COX16: variants seen among roughly 807,000 people sequenced by gnomAD.
COX16 encodes cytochrome c oxidase assembly factor COX16, also known as cytochrome c oxidase assembly protein COX16 homolog, mitochondrial.
Under a neutral mutation model 15.4 loss-of-function variants are expected in COX16, and 12 were observed. The observed-to-expected ratio is 0.78, with a 90% CI of 0.50 to 1.26. COX16 has a LOEUF of 1.26. Ranked by LOEUF, COX16 falls within the 50% of genes most tolerant of loss-of-function variation. The pLI is 0.00. For synonymous variants in COX16, 46 were observed against 41.1 expected (o/e 1.12, Z -0.46); for missense variants, 124 against 127.6 (o/e 0.97, Z 0.14).
chr14:70,338,666 A>G (rs183349244), intron 2 of COX16, among the ~76,000 whole-genome samples: 7 of 152,334 alleles, frequency 4.6e-5, no homozygotes, highest in Admixed American at 3.9e-4. Flanking sequence ...AGAGCAATCA[A>G]GAGAACAATA....
In COX16 at chr14:70,359,617, C is replaced by G; in HGVS notation, c.-30G>C. ...GAACTCTTCCATCGGCTCAGAACTC[C>G]AAGCGGGCCTAGCGCAGACTCCCAA... On this transcript the variant is annotated 5_prime_UTR_variant, in exon 1 of 4. Transcript: ENST00000389912. 6.2e-7 allele frequency: 1 copy of G among 1,609,684 alleles called. No individual in the cohort carries two copies. Among genetic ancestry groups the G allele is most frequent in the Non-Finnish European group, 8.5e-7 (1 of 1,176,126 alleles).
At chr14:70,326,662 G>A (rs962350171) in intron 3 of COX16, among the ~76,000 whole-genome samples, 2 of 152,134 alleles carry the variant, frequency 1.3e-5, no homozygotes, top group African/African-American at 4.8e-5. Context: ...CCTATCTTAC[G>A]CCACCTTAAC....
chr14:70,359,249 G>A, intron 1 of COX16: 1 of 567,990 alleles, frequency 1.8e-6, no homozygotes, highest in East Asian at 4.0e-5. Context: ...CAATGACCGC[G>A]TTCGACGATG....
At chr14:70,336,758 A>T (rs1049577771) in intron 2 of COX16, among the ~76,000 whole-genome samples, 3 of 152,234 alleles carry the variant, frequency 2.0e-5, no homozygotes, top group African/African-American at 7.2e-5. Context: ...TTACCAGCAT[A>T]CATTAAAATC....
chr14:70,343,383 A>C (rs762436478), intron 1 of COX16, among the ~76,000 whole-genome samples: 3 of 152,222 alleles, frequency 2.0e-5, no homozygotes, highest in African/African-American at 7.2e-5. Flanking sequence ...AATAAACTCT[A>C]TAACATTATT....
chr14:70,358,248 A>AGC, intron 1 of COX16, among the ~76,000 whole-genome samples: 2 of 152,096 alleles, frequency 1.3e-5, no homozygotes, highest in Admixed American at 6.6e-5. Context: ...GACTACTATT[A>AGC]GTTATGATGC....
At chr14:70,347,837 C>A (rs1304418377) in intron 1 of COX16, among the ~76,000 whole-genome samples, 1 of 152,156 alleles carries the variant, frequency 6.6e-6, no homozygotes, top group Non-Finnish European at 1.5e-5. Flanking sequence ...AATTCTCTTT[C>A]CTAGGACTAG....
At chr14:70,328,554 T>C (rs184661883) in intron 3 of COX16, among the ~76,000 whole-genome samples, 1 of 152,290 alleles carries the variant, frequency 6.6e-6, no homozygotes, top group Non-Finnish European at 1.5e-5. Context: ...TGAAAAGTGA[T>C]ACCTCGTTAG....
At position 70,326,232 on chromosome 14, in the gene COX16, G is replaced by A. The variant is rs1886066697; in HGVS notation, c.*101C>T. The A allele has an allele frequency of 7.3e-6, 7 of 963,222 alleles. No homozygotes were observed. The highest frequency in any genetic ancestry group is 9.6e-6 in the Non-Finnish European group (7 of 726,040). 59.7% of individuals were successfully genotyped at this position (963,222 alleles called of 1,614,324 possible). A position where few individuals can be genotyped will look rare whatever the true frequency, so the allele number is the denominator to read the frequency against. ...ATTACCCATATCCAAGTTTCCATGG[G>A]CCTGGAATTTCCTTTCCACTTGATA... On this transcript the variant is annotated 3_prime_UTR_variant, in exon 4 of 4. Coordinates refer to ENST00000389912, the MANE Select transcript of COX16 (RefSeq NM_016468.7).
intron 1 of COX16, among the ~76,000 whole-genome samples, chr14:70,358,680 A>G (rs2877658): frequency 0.7 from 107,128 of 152,078 alleles, 37,988 homozygotes; most frequent in East Asian, 0.93. Context: ...AAATAAAAAT[A>G]TAGTCTGTAT....
chr14:70,341,670 TCA>T (rs1293198542), intron 2 of COX16, among the ~76,000 whole-genome samples: 1 of 152,174 alleles, frequency 6.6e-6, no homozygotes, highest in African/African-American at 2.4e-5. Flanking sequence ...ATAGACCCCC[TCA>T]GTTTCCTCAC....
chr14:70,329,206 C>T lies in COX16; in HGVS notation c.172G>A (p.Glu58Lys). 6.3e-7 allele frequency: 1 copy of T among 1,595,758 alleles called. No homozygotes were observed. The highest frequency in any genetic ancestry group is 8.6e-7 in the Non-Finnish European group (1 of 1,168,730). The change falls in exon 3 of 4, where the codon GAG (glutamate) becomes AAG (lysine). Residue 58 changes from glutamate (E) to lysine (K), a missense_variant. Transcript: ENST00000389912. ...MDPELEKKLK[E>K]NKISLESEYE... ...TCCGACTCTAAAGATATTTTATTCT[C>T]TTTCAGTTTTTTTTCAAGCTCAGGA... is the stretch of plus-strand genomic sequence containing the variant.
At chr14:70,329,140 G>A (rs1886193613) in intron 3 of COX16, 34 bp downstream of exon 3, 2 of 1,516,626 alleles carry the variant, frequency 1.3e-6, no homozygotes, top group Non-Finnish European at 8.9e-7. Flanking sequence ...GTAACTGATT[G>A]TTATAAGACA....
chr14:70,328,428 C>A (rs1241829470), intron 3 of COX16, among the ~76,000 whole-genome samples: 1 of 152,066 alleles, frequency 6.6e-6, no homozygotes, highest in East Asian at 1.9e-4. Context: ...TACAAAGAAA[C>A]AGGAAAATAT....
At chr14:70,345,153 CCT>C (rs1339950502) in intron 1 of COX16, among the ~76,000 whole-genome samples, 1 of 152,226 alleles carries the variant, frequency 6.6e-6, no homozygotes, top group African/African-American at 2.4e-5. Context: ...TCTCCAGTTG[CCT>C]CTCTGTGCAT....
In COX16 at chr14:70,352,311, C is replaced by T. The variant is rs369314793; in HGVS notation, c.69+7208G>A. Reference sequence around the variant, plus strand: ...AAGCAATTCTCCTGCCTCAGCCTCCCGAGTAGCTGGGATTACAAGCATCCA... The same window carrying T: ...AAGCAATTCTCCTGCCTCAGCCTCCTGAGTAGCTGGGATTACAAGCATCCA... On this transcript the variant is annotated intron_variant, in intron 1 of 3. Coordinates refer to ENST00000389912, the MANE Select transcript of COX16 (RefSeq NM_016468.7). 1.2e-4 allele frequency among the ~76,000 whole-genome samples: 18 copies of T among 152,118 alleles called. No individual in the cohort carries two copies. In the East Asian group the frequency reaches 2.7e-3, roughly 23 times the overall value.
chr14:70,359,130 G>A (rs1003758591), intron 1 of COX16: 3 of 457,910 alleles, frequency 6.6e-6, no homozygotes, highest in Non-Finnish European at 1.3e-5. Context: ...ACATAGCTAA[G>A]TTGGGGGCGA....
At chr14:70,331,195 A>T (rs1886276688) in intron 2 of COX16, among the ~76,000 whole-genome samples, 1 of 152,098 alleles carries the variant, frequency 6.6e-6, no homozygotes, top group African/African-American at 2.4e-5. Context: ...TTTAGTAGAG[A>T]CGGGGTTTCA....
rs112759910 is a variant in COX16, at chr14:70,342,216, G to A, written c.141+442C>T. 4.8e-3 allele frequency among the ~76,000 whole-genome samples: 727 copies of A among 152,218 alleles called. 5 individuals carry two copies. The highest frequency in any genetic ancestry group is 0.016 in the African/African-American group (655 of 41,550). On this transcript the variant is annotated intron_variant, in intron 2 of 3. Transcript: ENST00000389912. Reference sequence around the variant, plus strand: ...TCCCAACACTTTGGAAGGCCAAGGCGGGTGGATCATTTGAGGTCAGGAGTT... The same window carrying A: ...TCCCAACACTTTGGAAGGCCAAGGCAGGTGGATCATTTGAGGTCAGGAGTT...
Sources: gnomAD v4.1 joint callset for allele counts (sites outside exome capture counted in the v4.1 genomes callset) on GRCh38, gnomAD v4.1.1 for gene constraint, MANE v1.5 for transcripts, NCBI Gene and HGNC (gene_info 2026-07-23, HGNC 2026-07-21) for gene names.